Variants in INTU observed in about 807,000 individuals in gnomAD.
INTU encodes the protein protein inturned.
A neutral mutation model predicts 100.5 loss-of-function variants in INTU; 68 were observed. That is an observed-to-expected ratio of 0.68 (90% CI 0.56 to 0.83). The LOEUF (loss-of-function observed/expected upper bound fraction) is 0.83, where lower values mean the gene tolerates loss of function less well. Ranked by LOEUF, INTU falls within the 40% of genes least tolerant of loss-of-function variation. The pLI is 0.00. For missense variants in INTU, 1,071 were observed against 1,114.7 expected (o/e 0.96, Z 0.56); for synonymous variants, 357 against 395.7 (o/e 0.90, Z 1.16).
chr4:127,661,851 T>C (rs1438762254), intron 3 of INTU, among the ~76,000 whole-genome samples: 3 of 152,180 alleles, frequency 2.0e-5, no homozygotes, highest in African/African-American at 4.8e-5. Context: ...TTAGTTCTTT[T>C]AGAAGTCTTC....
chr4:127,669,187 T>A (rs1728817728), intron 5 of INTU, 33 bp downstream of exon 5: 3 of 1,050,108 alleles, frequency 2.9e-6, no homozygotes, highest in Non-Finnish European at 4.3e-6. Context: ...AATTCTGTTT[T>A]TTTCAAGTTC....
chr4:127,690,665 T>G (rs1193017662), intron 8 of INTU, among the ~76,000 whole-genome samples: 2 of 152,190 alleles, frequency 1.3e-5, no homozygotes, highest in African/African-American at 4.8e-5. Context: ...AACAATAACA[T>G]TTGAAGTTTT....
At position 127,717,486 on chromosome 4, in the gene INTU, T is replaced by C. The variant is rs1215982036; in HGVS notation, c.*1050T>C. 6.6e-6 allele frequency: 1 copy of C among 152,252 alleles called. No homozygotes were observed. Among genetic ancestry groups the C allele is most frequent in the African/African-American group, 2.4e-5 (1 of 41,464 alleles). The allele number at this position is 152,252 out of a possible 1,614,324, so 9.4% of individuals were successfully genotyped here. A position where few individuals can be genotyped will look rare whatever the true frequency, so the allele number is the denominator to read the frequency against. On this transcript the variant is annotated 3_prime_UTR_variant, in exon 16 of 16. Transcript: ENST00000335251. ...ATATTTGTAATTGAATGATTTATATTACTTTGAGTATAAACCCAGTAATGG... is the reference window on the plus strand; with the variant it reads ...ATATTTGTAATTGAATGATTTATATCACTTTGAGTATAAACCCAGTAATGG...
chr4:127,725,837 A>G lies in INTU; in HGVS notation c.*9401A>G, dbSNP rs1731409535. The G allele has an allele frequency of 6.6e-6, 1 of 152,224 alleles. No homozygotes were observed. The highest frequency in any genetic ancestry group is 2.1e-4 in the South Asian group (1 of 4,832). The allele number at this position is 152,224 out of a possible 1,614,324, so 9.4% of individuals were successfully genotyped here. A position where few individuals can be genotyped will look rare whatever the true frequency, so the allele number is the denominator to read the frequency against. On this transcript the variant is annotated 3_prime_UTR_variant, in exon 16 of 16. Coordinates refer to ENST00000335251, the MANE Select transcript of INTU (RefSeq NM_015693.4). ...GGATATTGAACTAAGCTCTGAAGGC[A>G]AACTTAGCTGCCTATTTTTCCAAAT...
chr4:127,692,064 T>A (rs1439067048), intron 8 of INTU, among the ~76,000 whole-genome samples: 1 of 150,676 alleles, frequency 6.6e-6, no homozygotes, highest in African/African-American at 2.4e-5. Flanking sequence ...GCCATAAACA[T>A]GTGTGCAAAT....
At position 127,644,048 on chromosome 4, in the gene INTU, T is replaced by A; in HGVS notation, c.674T>A (p.Val225Glu). ...PGGSAMKSGQ[V>E]LIGDVLVAVN... is the part of the protein sequence containing the mutation. Reference sequence around the variant, plus strand: ...GGATCTGCTATGAAGAGCGGTCAGGTACTCATTGGTAAGTGTTGCTGGTAC... The same window carrying A: ...GGATCTGCTATGAAGAGCGGTCAGGAACTCATTGGTAAGTGTTGCTGGTAC... The change falls in exon 2 of 16, where the codon GTA (valine) becomes GAA (glutamate). Residue 225 changes from valine to glutamate, a missense_variant. Val to Glu is a moderately radical substitution (Grantham distance 121). Transcript: ENST00000335251. The A allele has an allele frequency of 1.9e-6, 3 of 1,611,416 alleles. No homozygotes were observed. The highest frequency in any genetic ancestry group is 1.3e-5 in the African/African-American group (1 of 74,986).
At chr4:127,710,210 A>C (rs1731043559) in intron 13 of INTU, among the ~76,000 whole-genome samples, 1 of 152,148 alleles carries the variant, frequency 6.6e-6, no homozygotes, top group African/African-American at 2.4e-5. Context: ...AAGGTGCCAA[A>C]GATGTGTGTT....
At position 127,716,370 on chromosome 4, in the gene INTU, T is replaced by C. The variant is rs1317046267; in HGVS notation, c.2763T>C (p.Phe921=). The C allele has an allele frequency of 1.3e-6, 2 of 1,591,426 alleles. No homozygotes were observed. Among genetic ancestry groups the C allele is most frequent in the South Asian group, 1.1e-5 (1 of 87,058 alleles). ...AACCTCAAGAACTTTATGTCTGTTT[T>C]CATGACTCAGTCACAGAAATTGCCA... ...HPKPQELYVC[F]HDSVTEIAIE... Residue 921 remains phenylalanine (F), a synonymous_variant, in exon 16 of 16, where the codon TTT becomes TTC. Coordinates refer to ENST00000335251, the MANE Select transcript of INTU (RefSeq NM_015693.4).
chr4:127,709,674 A>T (rs907698245), intron 13 of INTU, among the ~76,000 whole-genome samples: 1 of 151,310 alleles, frequency 6.6e-6, no homozygotes, highest in Non-Finnish European at 1.5e-5. Flanking sequence ...TCAATTGCCT[A>T]CTTTTATTTG....
intron 2 of INTU, among the ~76,000 whole-genome samples, chr4:127,648,074 A>G (rs1400667193): frequency 6.6e-6 from 1 of 152,208 alleles, no homozygotes; most frequent in Non-Finnish European, 1.5e-5. Flanking sequence ...GTTCTTAAAT[A>G]TATCTCTTAA....
In INTU at chr4:127,700,007, T is replaced by C; in HGVS notation, c.1450-3T>C. The C allele has an allele frequency of 6.4e-7, 1 of 1,567,304 alleles. No individual in the cohort carries two copies. On this transcript the variant is annotated splice_region_variant and splice_polypyrimidine_tract_variant and intron_variant, in intron 8 of 15. Coordinates refer to ENST00000335251, the MANE Select transcript of INTU (RefSeq NM_015693.4). The stretch of plus-strand genomic sequence containing the variant: ...TGTTACTCTTTTTTTTTTTTTAACA[T>C]AGATGGAATTAGACATGGCATTAAG...
intron 6 of INTU, among the ~76,000 whole-genome samples, chr4:127,674,747 G>T (rs1216242490): frequency 6.6e-6 from 1 of 152,114 alleles, no homozygotes; most frequent in Non-Finnish European, 1.5e-5. Flanking sequence ...GTAAAAGCAG[G>T]ATTGACATTA....
intron 6 of INTU, among the ~76,000 whole-genome samples, chr4:127,678,861 C>A (rs1208175985): frequency 3.3e-5 from 5 of 151,704 alleles, no homozygotes; most frequent in African/African-American, 1.2e-4. Flanking sequence ...AAACCCATCT[C>A]ACGTGCAGAG....
intron 2 of INTU, among the ~76,000 whole-genome samples, chr4:127,648,873 A>C (rs556277140): frequency 6.6e-6 from 1 of 152,080 alleles, no homozygotes; most frequent in South Asian, 2.1e-4. Flanking sequence ...TTTGGTCTGC[A>C]AGTTCTTACT....
chr4:127,714,100 G>A lies in INTU; in HGVS notation c.2717+7G>A, dbSNP rs762890178. On this transcript the variant is annotated splice_region_variant and intron_variant, in intron 15 of 15. Coordinates refer to ENST00000335251, the MANE Select transcript of INTU (RefSeq NM_015693.4). ...TGGCTTACTGGGTAGTAGGGTAAGT[G>A]AGAAAAAAAAGTATTTGAAAGTAAA... 7 of 1,594,774 alleles carry A rather than the reference G, an allele frequency of 4.4e-6. No homozygotes were observed. In the Admixed American group the frequency reaches 5.5e-5, roughly 13 times the overall value.
chr4:127,724,175 A>G lies in INTU; in HGVS notation c.*7739A>G, dbSNP rs1731386538. ...GGTGGCTCACGCCTGTAATCCCAGC[A>G]CTTTGGGAGGCCGAGGCAGGTGGAT... On this transcript the variant is annotated 3_prime_UTR_variant, in exon 16 of 16. Transcript: ENST00000335251. 1 of 152,134 alleles carries G rather than the reference A, an allele frequency of 6.6e-6. No homozygotes were observed. The allele number at this position is 152,134 out of a possible 1,614,324, so 9.4% of individuals were successfully genotyped here.
rs201785232 is a variant in INTU at position 127,682,287 on chromosome 4, A to G, written c.1182-2122A>G. Among the ~76,000 whole-genome samples, 19 of 152,212 alleles carry G rather than the reference A, an allele frequency of 1.2e-4. No homozygotes were observed. The East Asian group carries it at 2.5e-3, about 20-fold the overall frequency. ...CCAAAGGACTATAAATCATGCTGCT[A>G]TAAAGACACATGCACACGTATGTTT... On this transcript the variant is annotated intron_variant, in intron 6 of 15. Coordinates refer to ENST00000335251, the MANE Select transcript of INTU (RefSeq NM_015693.4).
intron 5 of INTU, among the ~76,000 whole-genome samples, chr4:127,670,350 G>C (rs942776970): frequency 6.6e-6 from 1 of 151,698 alleles, no homozygotes; most frequent in African/African-American, 2.4e-5. Flanking sequence ...GATTTTAAAA[G>C]AGGTAGAATC....
At chr4:127,684,365 T>G in intron 6 of INTU, 44 bp from the exon 7 acceptor site, 1 of 1,030,034 alleles carries the variant, frequency 9.7e-7, no homozygotes. Context: ...ATAAATGTCA[T>G]TTGATTATGT....
Sources: allele counts gnomAD v4.1 joint callset (sites outside exome capture counted in the v4.1 genomes callset), GRCh38; gene constraint gnomAD v4.1.1; transcripts MANE v1.5; gene names NCBI Gene and HGNC (gene_info 2026-07-23, HGNC 2026-07-21).